The following CSGALNACT1 variants were observed in gnomAD, a reference collection of about 807,000 sequenced individuals.
CSGALNACT1 encodes chondroitin sulfate N-acetylgalactosaminyltransferase 1.
In CSGALNACT1, 52 loss-of-function variants were observed where a neutral mutation model predicts 51.0. The observed-to-expected ratio is 1.02, with a 90% CI of 0.82 to 1.29. CSGALNACT1 has a LOEUF of 1.29. CSGALNACT1 is among the 50% of genes most tolerant of loss of function. The pLI, the probability that CSGALNACT1 is intolerant of heterozygous loss-of-function variation, is 0.00. For synonymous variants in CSGALNACT1, 341 were observed against 254.4 expected (o/e 1.34, Z -3.24); for missense variants, 935 against 679.2 (o/e 1.38, Z -4.19).
chr8:19,452,987 G>C (rs955160960), intron 5 of CSGALNACT1, among the ~76,000 whole-genome samples: 4 of 152,170 alleles, frequency 2.6e-5, no homozygotes, highest in Non-Finnish European at 5.9e-5. Context: ...AAGATGAGGA[G>C]AGAGCCAAGG....
chr8:19,532,547 T>C (rs1162097812), intron 3 of CSGALNACT1, among the ~76,000 whole-genome samples: 2 of 152,174 alleles, frequency 1.3e-5, no homozygotes, highest in Non-Finnish European at 2.9e-5. Context: ...CCATTATAGT[T>C]TTACTAAACC....
chr8:19,723,279 A>G (rs949727248), intron 1 of CSGALNACT1, among the ~76,000 whole-genome samples: 1 of 152,232 alleles, frequency 6.6e-6, no homozygotes, highest in African/African-American at 2.4e-5. Flanking sequence ...AAACAATATC[A>G]TATGTGTGTG....
At chr8:19,518,167 C>G (rs770274245) in intron 3 of CSGALNACT1, among the ~76,000 whole-genome samples, 1 of 152,200 alleles carries the variant, frequency 6.6e-6, no homozygotes, top group Non-Finnish European at 1.5e-5. Flanking sequence ...GAAGCAATCA[C>G]TTAGGCAAAT....
intron 1 of CSGALNACT1, among the ~76,000 whole-genome samples, chr8:19,745,040 A>C (rs2064562861): frequency 6.6e-6 from 1 of 152,252 alleles, no homozygotes; most frequent in African/African-American, 2.4e-5. Flanking sequence ...AAAGCTTTAG[A>C]GACAGACAGA....
chr8:19,407,779 GCACA>G (rs2054566311), intron 9 of CSGALNACT1, among the ~76,000 whole-genome samples: 1 of 151,954 alleles, frequency 6.6e-6, no homozygotes, highest in African/African-American at 2.4e-5. Flanking sequence ...TGAATTGTGT[GCACA>G]TGTGGACATT....
chr8:19,648,923 C>T (rs759030437), intron 1 of CSGALNACT1, among the ~76,000 whole-genome samples: 6 of 152,132 alleles, frequency 3.9e-5, no homozygotes, highest in Admixed American at 6.5e-5. Flanking sequence ...TAGCTCTATA[C>T]CTAATAAATC....
At chr8:19,694,094 A>T (rs1302144628) in intron 1 of CSGALNACT1, among the ~76,000 whole-genome samples, 1 of 152,168 alleles carries the variant, frequency 6.6e-6, no homozygotes, top group Non-Finnish European at 1.5e-5. Flanking sequence ...TTTACATTAT[A>T]AGAATTATAA....
chr8:19,582,522 C>T (rs1287117722), intron 3 of CSGALNACT1, among the ~76,000 whole-genome samples: 1 of 152,114 alleles, frequency 6.6e-6, no homozygotes, highest in Non-Finnish European at 1.5e-5. Flanking sequence ...AGGAGTGATA[C>T]ACATGACTAA....
At chr8:19,649,039 A>T (rs1302580025) in intron 1 of CSGALNACT1, among the ~76,000 whole-genome samples, 1 of 152,242 alleles carries the variant, frequency 6.6e-6, no homozygotes, top group African/African-American at 2.4e-5. Flanking sequence ...AAGTGAAGAC[A>T]GACTCACATA....
intron 1 of CSGALNACT1, among the ~76,000 whole-genome samples, chr8:19,660,763 C>A (rs1301894575): frequency 6.6e-6 from 1 of 152,274 alleles, no homozygotes; most frequent in East Asian, 1.9e-4. Flanking sequence ...ATGAAAATCA[C>A]CAGTCCCTAG....
At chr8:19,482,985 C>A (rs1428888611) in intron 4 of CSGALNACT1, among the ~76,000 whole-genome samples, 1 of 152,118 alleles carries the variant, frequency 6.6e-6, no homozygotes, top group Admixed American at 6.5e-5. Context: ...TCCTTCACAC[C>A]TCCCTCTCCA....
intron 5 of CSGALNACT1, among the ~76,000 whole-genome samples, chr8:19,450,974 A>G (rs1188371071): frequency 1.3e-5 from 2 of 152,196 alleles, no homozygotes; most frequent in Admixed American, 1.3e-4. Flanking sequence ...ACATAGCCCT[A>G]CAGCACCAAG....
chr8:19,503,909 A>C (rs2076844636), intron 4 of CSGALNACT1, among the ~76,000 whole-genome samples: 1 of 152,160 alleles, frequency 6.6e-6, no homozygotes, highest in Non-Finnish European at 1.5e-5. Flanking sequence ...AAGTCTAAAA[A>C]AGCATAAAAG....
chr8:19,595,183 T>C (rs1026588359), intron 2 of CSGALNACT1, among the ~76,000 whole-genome samples: 1 of 152,226 alleles, frequency 6.6e-6, no homozygotes, highest in African/African-American at 2.4e-5. Flanking sequence ...CTATCATTAA[T>C]TTTGTTAACC....
intron 3 of CSGALNACT1, among the ~76,000 whole-genome samples, chr8:19,577,073 G>C (rs926422985): frequency 8.2e-5 from 12 of 146,906 alleles, no homozygotes; most frequent in African/African-American, 3.0e-4. Context: ...GGGAAAGAGA[G>C]AGAGGGTAAC....
intron 3 of CSGALNACT1, among the ~76,000 whole-genome samples, chr8:19,539,808 C>A (rs1376474808): frequency 6.6e-6 from 1 of 152,202 alleles, no homozygotes; most frequent in Non-Finnish European, 1.5e-5. Context: ...CCCTCCTACA[C>A]CCCTGCTGAG....
At chr8:19,511,441 C>T (rs1336487435) in intron 3 of CSGALNACT1, among the ~76,000 whole-genome samples, 4 of 152,202 alleles carry the variant, frequency 2.6e-5, no homozygotes, top group Non-Finnish European at 5.9e-5. Context: ...TCATATCTCT[C>T]GGATAAACAT....
At chr8:19,486,908 AC>A (rs1157095075) in intron 4 of CSGALNACT1, among the ~76,000 whole-genome samples, 1 of 150,570 alleles carries the variant, frequency 6.6e-6, no homozygotes, top group Non-Finnish European at 1.5e-5. Context: ...TAGCTGCCCA[AC>A]AACACTTGAA....
chr8:19,697,434 T>C (rs1278962152), intron 1 of CSGALNACT1, among the ~76,000 whole-genome samples: 1 of 151,934 alleles, frequency 6.6e-6, no homozygotes, highest in Non-Finnish European at 1.5e-5. Context: ...TCAGGGAAAA[T>C]GTCCAGACAG....
Sources: allele counts gnomAD v4.1 joint callset (sites outside exome capture counted in the v4.1 genomes callset), GRCh38; gene constraint gnomAD v4.1.1; transcripts MANE v1.5; gene names NCBI Gene and HGNC (gene_info 2026-07-23, HGNC 2026-07-21).